The following BST1 variants were observed in gnomAD, a reference collection of about 807,000 sequenced individuals.
BST1 encodes ADP-ribosyl cyclase/cyclic ADP-ribose hydrolase 2.
Under a neutral mutation model 40.6 loss-of-function variants are expected in BST1, and 49 were observed. The observed-to-expected ratio is 1.21, with a 90% CI of 0.96 to 1.53. The LOEUF is 1.53. BST1 is among the 40% of genes most tolerant of loss of function. The pLI, the probability that BST1 is intolerant of heterozygous loss-of-function variation, is 0.00. For missense variants in BST1, 423 were observed against 395.9 expected (o/e 1.07, Z -0.58); for synonymous variants, 157 against 159.3 (o/e 0.99, Z 0.11).
the BST1 span, among the ~76,000 whole-genome samples, chr4:15,749,540 T>G: frequency 6.6e-6 from 1 of 152,204 alleles, no homozygotes; most frequent in Non-Finnish European, 1.5e-5. Flanking sequence ...GGTCATTTTA[T>G]TATGTTTTCA....
At chr4:15,716,024 G>A (rs977838002) in intron 6 of BST1, among the ~76,000 whole-genome samples, 2 of 152,214 alleles carry the variant, frequency 1.3e-5, no homozygotes, top group Non-Finnish European at 2.9e-5. Flanking sequence ...TTCTCAGCCA[G>A]CGAAGACAGT....
At chr4:15,752,921 T>C in the BST1 span, among the ~76,000 whole-genome samples, 1 of 152,112 alleles carries the variant, frequency 6.6e-6, no homozygotes, top group Non-Finnish European at 1.5e-5. Context: ...AAATAGTACA[T>C]ATAAATCACT....
the BST1 span, among the ~76,000 whole-genome samples, chr4:15,762,632 C>G: frequency 6.6e-6 from 1 of 151,966 alleles, no homozygotes; most frequent in Non-Finnish European, 1.5e-5. Context: ...ATTCTACTCT[C>G]TGCTATGAGT....
downstream of BST1, among the ~76,000 whole-genome samples, chr4:15,739,707 A>G (rs146674191): frequency 3.3e-4 from 51 of 152,262 alleles, no homozygotes; most frequent in African/African-American, 1.2e-3. Context: ...TGCTTGTAAA[A>G]TTTTAAAATA....
the BST1 span, among the ~76,000 whole-genome samples, chr4:15,747,870 T>A: frequency 6.6e-6 from 1 of 152,144 alleles, no homozygotes; most frequent in African/African-American, 2.4e-5. Flanking sequence ...AGAGATGTGG[T>A]CTTGCTATGT....
At chr4:15,764,443 T>C in the BST1 span, among the ~76,000 whole-genome samples, 3 of 152,036 alleles carry the variant, frequency 2.0e-5, no homozygotes, top group Non-Finnish European at 4.4e-5. Context: ...TGTGTTAGAA[T>C]ATAAGAACGG....
intron 1 of BST1, chr4:15,704,825 A>G (rs765880555): frequency 1.4e-6 from 1 of 709,874 alleles, no homozygotes; most frequent in Non-Finnish European, 2.6e-6. Flanking sequence ...CCAGTGCTGC[A>G]TTTCTTACTG....
the BST1 span, among the ~76,000 whole-genome samples, chr4:15,751,872 A>G: frequency 1.4e-4 from 21 of 152,298 alleles, no homozygotes; most frequent in Admixed American, 3.9e-4. Context: ...CACAGCACAC[A>G]GAATCCAGCA....
rs34681185 is a variant in BST1, at chr4:15,713,206, CTTTTTT to C, written c.534+1333_534+1338del. ...CAGTCATTATTTTAAATATTTTCAT[CTTTTTT>C]TTTTTTTTTTTTTTTGAGACGGAGT... On this transcript the variant is annotated intron_variant, in intron 4 of 8. Coordinates refer to ENST00000265016, the MANE Select transcript of BST1 (RefSeq NM_004334.3). 1.0e-4 allele frequency among the ~76,000 whole-genome samples: 12 copies of C among 114,748 alleles called. No individual in the cohort carries two copies. In the East Asian group the frequency reaches 1.5e-3, roughly 14 times the overall value. 75.3% of individuals were successfully genotyped at this position (114,748 alleles called of 152,430 possible). A position where few individuals can be genotyped will look rare whatever the true frequency, so the allele number is the denominator to read the frequency against.
chr4:15,740,085 G>A (rs111444785), downstream of BST1, among the ~76,000 whole-genome samples: 116 of 152,212 alleles, frequency 7.6e-4, no homozygotes, highest in African/African-American at 2.5e-3. Context: ...ACTGAATCTC[G>A]TTCTGTCACC....
the BST1 span, among the ~76,000 whole-genome samples, chr4:15,755,806 A>T: frequency 6.6e-6 from 1 of 152,148 alleles, no homozygotes; most frequent in Admixed American, 6.5e-5. Flanking sequence ...GAAAAAAAAA[A>T]CTTAACCATT....
chr4:15,708,804 C>T (rs1254650893), intron 3 of BST1, among the ~76,000 whole-genome samples: 1 of 152,002 alleles, frequency 6.6e-6, no homozygotes, highest in Non-Finnish European at 1.5e-5. Flanking sequence ...TCCCTCGAAC[C>T]CTGGAGAAGG....
At chr4:15,757,870 G>A in the BST1 span, among the ~76,000 whole-genome samples, 3 of 152,012 alleles carry the variant, frequency 2.0e-5, no homozygotes, top group Admixed American at 6.6e-5. Context: ...TTGAACTCCC[G>A]ACCTCAGGTG....
At chr4:15,723,246 C>CT (rs1252888597) in intron 8 of BST1, among the ~76,000 whole-genome samples, 1 of 151,052 alleles carries the variant, frequency 6.6e-6, no homozygotes, top group Admixed American at 6.6e-5. Flanking sequence ...GTCACACTAC[C>CT]TTTTTTTTTG....
At chr4:15,711,762 T>C in intron 3 of BST1, 45 bp from the exon 4 acceptor site, 1 of 1,428,272 alleles carries the variant, frequency 7.0e-7, no homozygotes, top group South Asian at 1.1e-5. Flanking sequence ...TTCTCTGAGA[T>C]AGATAATCTT....
At chr4:15,706,828 C>G (rs554168444) in intron 2 of BST1, among the ~76,000 whole-genome samples, 1 of 152,076 alleles carries the variant, frequency 6.6e-6, no homozygotes, top group Non-Finnish European at 1.5e-5. Context: ...TAAATACTTC[C>G]GGGGCTATTT....
At chr4:15,739,888 G>C (rs1447798698), downstream of BST1, among the ~76,000 whole-genome samples, 1 of 151,666 alleles carries the variant, frequency 6.6e-6, no homozygotes, top group Non-Finnish European at 1.5e-5. Flanking sequence ...GAGGGAAGTC[G>C]GTGAGAGAGA....
At chr4:15,706,713 G>C (rs1719897233) in intron 2 of BST1, among the ~76,000 whole-genome samples, 1 of 152,194 alleles carries the variant, frequency 6.6e-6, no homozygotes, top group African/African-American at 2.4e-5. Flanking sequence ...TGATTTTTGA[G>C]TATATGCTGT....
At chr4:15,736,023 G>A (rs1226742935), downstream of BST1, 3 of 1,232,520 alleles carry the variant, frequency 2.4e-6, no homozygotes, top group African/African-American at 1.6e-5. Flanking sequence ...ATTTTTCTAT[G>A]TGTTTTTATG....
Sources: allele counts gnomAD v4.1 joint callset (sites outside exome capture counted in the v4.1 genomes callset), GRCh38; gene constraint gnomAD v4.1.1; transcripts MANE v1.5; gene names NCBI Gene and HGNC (gene_info 2026-07-23, HGNC 2026-07-21).